UBE2G1: variants seen among roughly 807,000 people sequenced by gnomAD.
UBE2G1 encodes the protein ubiquitin-conjugating enzyme E2 G1.
In UBE2G1, 5 loss-of-function variants were observed where a neutral mutation model predicts 22.7. The observed-to-expected ratio is 0.22, with a 90% CI of 0.12 to 0.46. The LOEUF is 0.46. Ranked by LOEUF, UBE2G1 falls within the 20% of genes least tolerant of loss-of-function variation. The pLI is 0.99. For missense variants in UBE2G1, 88 were observed against 203.9 expected (o/e 0.43, Z 3.46); for synonymous variants, 74 against 67.5 (o/e 1.10, Z -0.47).
At chr17:4,356,263 C>A (rs928562956) in intron 1 of UBE2G1, among the ~76,000 whole-genome samples, 1 of 151,640 alleles carries the variant, frequency 6.6e-6, no homozygotes, top group Non-Finnish European at 1.5e-5. Context: ...GAGGCTGAGG[C>A]AGGAGAATCG....
At chr17:4,299,827 G>T (rs1358079918) in intron 2 of UBE2G1, among the ~76,000 whole-genome samples, 1 of 116,548 alleles carries the variant, frequency 8.6e-6, no homozygotes, top group African/African-American at 2.9e-5. Context: ...CCTTTTTTTA[G>T]TTTTTTTTTT....
chr17:4,311,770 C>A (rs190735249), intron 1 of UBE2G1, among the ~76,000 whole-genome samples: 28 of 152,264 alleles, frequency 1.8e-4, no homozygotes, highest in African/African-American at 6.5e-4. Flanking sequence ...CACTTTAACA[C>A]CATTACCTAT....
chr17:4,295,796 T>A (rs1018812886), intron 3 of UBE2G1, among the ~76,000 whole-genome samples: 9 of 151,032 alleles, frequency 6.0e-5, no homozygotes, highest in African/African-American at 2.0e-4. Flanking sequence ...AAATAAGACG[T>A]AGTTATTGGG....
intron 1 of UBE2G1, among the ~76,000 whole-genome samples, chr17:4,328,559 C>T (rs1356441090): frequency 6.6e-6 from 1 of 152,200 alleles, no homozygotes; most frequent in African/African-American, 2.4e-5. Context: ...AGGATGCTGT[C>T]ATGCTTGCTC....
At chr17:4,360,124 G>C (rs1285339817) in intron 1 of UBE2G1, among the ~76,000 whole-genome samples, 2 of 151,974 alleles carry the variant, frequency 1.3e-5, no homozygotes, top group Non-Finnish European at 2.9e-5. Flanking sequence ...TGTTTACCTT[G>C]CCAGATTTGT....
intron 3 of UBE2G1, among the ~76,000 whole-genome samples, chr17:4,293,374 A>G (rs1969067317): frequency 6.6e-6 from 1 of 152,162 alleles, no homozygotes; most frequent in Non-Finnish European, 1.5e-5. Flanking sequence ...TTTTATTGCC[A>G]AATAATATTC....
chr17:4,272,907 TA>T (rs1394982736), intron 5 of UBE2G1, among the ~76,000 whole-genome samples: 1 of 152,202 alleles, frequency 6.6e-6, no homozygotes, highest in Non-Finnish European at 1.5e-5. Context: ...CTAGAATCCA[TA>T]AGAGAAGATT....
intron 5 of UBE2G1, among the ~76,000 whole-genome samples, chr17:4,280,433 G>A (rs1427437427): frequency 1.6e-5 from 2 of 128,766 alleles, no homozygotes; most frequent in Non-Finnish European, 3.1e-5. Context: ...TGCAACCTCC[G>A]CCTCCTGGGT....
Position 4,307,085 on chromosome 17 carries a change from A to C in UBE2G1, c.85T>G (p.Leu29Val). Reference protein sequence around the residue: ...KNPVEGFSAGLIDDNDLYRWE... With the variant: ...KNPVEGFSAGVIDDNDLYRWE... ...CGGTAGAGATCATTGTCATCTATTA[A>C]ACCTGCAGAAAAGCCTTCCACTGGA... is the stretch of plus-strand genomic sequence containing the variant. The change falls in exon 2 of 6, where the codon TTA becomes GTA. Residue 29 changes from leucine to valine, a missense_variant. Around this residue, in one of 2 missense-constraint regions of UBE2G1, gnomAD observed 50 missense variants for 71.0 expected, o/e 0.70. Transcript: ENST00000396981. 3 of 1,614,130 alleles carry C rather than the reference A, an allele frequency of 1.9e-6. No homozygotes were observed. Among genetic ancestry groups the C allele is most frequent in the Non-Finnish European group, 2.5e-6 (3 of 1,179,978 alleles).
chr17:4,364,831 C>T (rs1970014177), intron 1 of UBE2G1, among the ~76,000 whole-genome samples: 1 of 152,154 alleles, frequency 6.6e-6, no homozygotes, highest in Admixed American at 6.5e-5. Context: ...ATCCGCCAGC[C>T]TCGGCCTCCC....
chr17:4,334,284 C>A (rs138633926), intron 1 of UBE2G1, among the ~76,000 whole-genome samples: 297 of 152,026 alleles, frequency 2.0e-3, no homozygotes, highest in African/African-American at 6.7e-3. Context: ...AAAAAAAAAT[C>A]TTTGGGAAAA....
At chr17:4,308,876 T>C (rs768772665) in intron 1 of UBE2G1, among the ~76,000 whole-genome samples, 2 of 152,228 alleles carry the variant, frequency 1.3e-5, no homozygotes, top group Admixed American at 6.5e-5. Context: ...TGAGGAGATA[T>C]TAATTTTTGG....
intron 1 of UBE2G1, among the ~76,000 whole-genome samples, chr17:4,345,958 G>C (rs1021949437): frequency 6.6e-6 from 1 of 152,192 alleles, no homozygotes; most frequent in African/African-American, 2.4e-5. Context: ...TGGATACCAA[G>C]TGTTGAATAA....
chr17:4,292,334 C>T (rs1397789004), intron 3 of UBE2G1, among the ~76,000 whole-genome samples: 1 of 144,350 alleles, frequency 6.9e-6, no homozygotes, highest in African/African-American at 2.6e-5. Flanking sequence ...AAAAAAAAAA[C>T]CCAAACCAAA....
At chr17:4,319,381 T>C (rs539412613) in intron 1 of UBE2G1, among the ~76,000 whole-genome samples, 1 of 152,148 alleles carries the variant, frequency 6.6e-6, no homozygotes, top group South Asian at 2.1e-4. Context: ...CAATACTCAT[T>C]GTAGGTAAGT....
intron 5 of UBE2G1, among the ~76,000 whole-genome samples, chr17:4,275,782 AC>A (rs1369886592): frequency 1.3e-5 from 2 of 152,170 alleles, no homozygotes; most frequent in Non-Finnish European, 2.9e-5. Flanking sequence ...ATTACCCTTC[AC>A]AAAAAAATGC....
rs551991613 is a variant in UBE2G1 at position 4,283,052 on chromosome 17, G to C, written c.427-131C>G. On this transcript the variant is annotated intron_variant, in intron 4 of 5. Coordinates refer to ENST00000396981, the MANE Select transcript of UBE2G1 (RefSeq NM_003342.5). ...TCAGAAACATTATAGAGTTGAAAAG[G>C]TAGAAAGCAGTTAGACATACTTTTT... 96 of 740,976 alleles carry C rather than the reference G, an allele frequency of 1.3e-4. No individual in the cohort carries two copies. In the South Asian group the frequency reaches 2.1e-3, roughly 17 times the overall value. 45.9% of individuals were successfully genotyped at this position (740,976 alleles called of 1,614,324 possible).
chr17:4,314,029 A>T (rs552053334), intron 1 of UBE2G1, among the ~76,000 whole-genome samples: 8 of 152,234 alleles, frequency 5.3e-5, no homozygotes, highest in Non-Finnish European at 1.0e-4. Context: ...TATGAAAAGT[A>T]AAAACGCTGC....
intron 1 of UBE2G1, among the ~76,000 whole-genome samples, chr17:4,336,877 C>T (rs1400880540): frequency 1.3e-5 from 2 of 152,014 alleles, no homozygotes; most frequent in Non-Finnish European, 2.9e-5. Flanking sequence ...AATGGCTGAA[C>T]ATGTGAAAGA....
Sources: allele counts gnomAD v4.1 joint callset (sites outside exome capture counted in the v4.1 genomes callset), GRCh38; gene constraint gnomAD v4.1.1; regional missense constraint gnomAD v4.1.1; transcripts MANE v1.5; gene names NCBI Gene and HGNC (gene_info 2026-07-23, HGNC 2026-07-21).